Variants in CLOCK observed in about 807,000 individuals in gnomAD.
CLOCK encodes the protein circadian locomoter output cycles protein kaput.
A neutral mutation model predicts 118.4 loss-of-function variants in CLOCK; 43 were observed. The observed-to-expected ratio is 0.36, with a 90% CI of 0.28 to 0.47. The LOEUF is 0.47. Ranked by LOEUF, CLOCK falls within the 20% of genes least tolerant of loss-of-function variation. The pLI, the probability that CLOCK is intolerant of heterozygous loss-of-function variation, is 1.00. For missense variants in CLOCK, 846 were observed against 999.9 expected (o/e 0.85, Z 2.08); for synonymous variants, 326 against 339.2 (o/e 0.96, Z 0.43).
chr4:55,448,721 A>G, intron 18 of CLOCK, 58 bp downstream of exon 18: 1 of 1,434,368 alleles, frequency 7.0e-7, no homozygotes, highest in South Asian at 1.2e-5. Context: ...AAATTACATT[A>G]GCTTAAAAGC....
At position 55,434,851 on chromosome 4, in the gene CLOCK, T is replaced by C. The variant is rs1411670380; in HGVS notation, c.*564A>G. On this transcript the variant is annotated 3_prime_UTR_variant, in exon 23 of 23. Transcript: ENST00000513440. ...TGCTTTCTCTCCTTTTATCTAGACATATACATATTTTTACATCATCTGTAC... is the reference window on the plus strand; with the variant it reads ...TGCTTTCTCTCCTTTTATCTAGACACATACATATTTTTACATCATCTGTAC... 1 of 158,264 alleles carries C rather than the reference T, an allele frequency of 6.3e-6. No homozygotes were observed. The allele number at this position is 158,264 out of a possible 1,614,324, so 9.8% of individuals were successfully genotyped here. A position where few individuals can be genotyped will look rare whatever the true frequency, so the allele number is the denominator to read the frequency against.
chr4:55,442,270 A>C, intron 21 of CLOCK, 162 bp downstream of exon 21: 1 of 682,182 alleles, frequency 1.5e-6, no homozygotes, highest in East Asian at 2.7e-5. Flanking sequence ...AAGTCTTTAA[A>C]CAATGAATAC....
intron 1 of CLOCK, chr4:55,545,347 T>A (rs542506929): frequency 6.6e-6 from 1 of 152,174 alleles, no homozygotes; most frequent in Non-Finnish European, 1.5e-5. Flanking sequence ...CTAAATTACA[T>A]CCTTTTAAGA....
intron 2 of CLOCK, among the ~76,000 whole-genome samples, chr4:55,506,410 A>C (rs1360694345): frequency 1.3e-5 from 2 of 152,144 alleles, no homozygotes; most frequent in African/African-American, 4.8e-5. Flanking sequence ...AAGATTTTAA[A>C]AGTGGAATTC....
intron 3 of CLOCK, among the ~76,000 whole-genome samples, chr4:55,484,235 G>C (rs1727137327): frequency 6.6e-6 from 1 of 151,914 alleles, no homozygotes; most frequent in African/African-American, 2.4e-5. Flanking sequence ...CTGTTGCCCA[G>C]GGTGGAGTGC....
At chr4:55,473,133 A>G (rs1450902682) in intron 7 of CLOCK, among the ~76,000 whole-genome samples, 1 of 152,052 alleles carries the variant, frequency 6.6e-6, no homozygotes, top group East Asian at 1.9e-4. Flanking sequence ...GCTAAAGCGG[A>G]AGAATCACTT....
chr4:55,475,821 C>A, intron 7 of CLOCK, 142 bp downstream of exon 7: 1 of 652,528 alleles, frequency 1.5e-6, no homozygotes, highest in Non-Finnish European at 2.8e-6. Context: ...ATTCATGTGA[C>A]TCATTTTACT....
intron 7 of CLOCK, among the ~76,000 whole-genome samples, chr4:55,471,946 T>TTAG (rs1363746423): frequency 1.3e-5 from 2 of 152,038 alleles, no homozygotes; most frequent in Non-Finnish European, 2.9e-5. Context: ...TGGTGGCACA[T>TTAG]GCCTATGGTC....
At chr4:55,448,755 A>G (rs755669192) in intron 18 of CLOCK, 24 bp downstream of exon 18, 1 of 1,584,398 alleles carries the variant, frequency 6.3e-7, no homozygotes, top group South Asian at 1.1e-5. Flanking sequence ...CAAATACGCA[A>G]CTGAAACAAA....
intron 21 of CLOCK, 43 bp from the exon 22 acceptor site, chr4:55,438,580 A>G: frequency 6.2e-7 from 1 of 1,611,848 alleles, no homozygotes; most frequent in Non-Finnish European, 8.5e-7. Context: ...CCAAAGTACA[A>G]GGTATACATC....
chr4:55,497,239 T>A (rs1728140833), intron 2 of CLOCK, among the ~76,000 whole-genome samples: 1 of 152,180 alleles, frequency 6.6e-6, no homozygotes, highest in Non-Finnish European at 1.5e-5. Flanking sequence ...CTTTAGCTCA[T>A]AGCTCCCTCT....
chr4:55,531,003 A>C (rs1024414592), intron 1 of CLOCK, among the ~76,000 whole-genome samples: 2 of 152,018 alleles, frequency 1.3e-5, no homozygotes, highest in African/African-American at 4.8e-5. Flanking sequence ...AACAGTTAAT[A>C]GATATTATGA....
intron 14 of CLOCK, 139 bp downstream of exon 14, chr4:55,453,538 A>G (rs1001046883): frequency 1.6e-6 from 1 of 607,740 alleles, no homozygotes; most frequent in East Asian, 2.8e-5. Context: ...AGTAAATTTA[A>G]TAATATATTG....
At chr4:55,491,436 A>T (rs927971506) in intron 2 of CLOCK, among the ~76,000 whole-genome samples, 22 of 151,948 alleles carry the variant, frequency 1.4e-4, no homozygotes, top group Middle Eastern at 3.2e-3. Context: ...AAAATTGACA[A>T]ATCTTTAGCT....
rs555923908 is a variant in CLOCK, at chr4:55,489,214, C to T, written c.-44+160G>A. Reference sequence around the variant, plus strand: ...AATCCCCAGTATCTAAAGTAATTATCGGAACATAGCTGGTACTACGTTTGG... The same window carrying T: ...AATCCCCAGTATCTAAAGTAATTATTGGAACATAGCTGGTACTACGTTTGG... On this transcript the variant is annotated intron_variant, in intron 3 of 22. Transcript: ENST00000513440. Among the ~76,000 whole-genome samples, 3 of 152,270 alleles carry T rather than the reference C, an allele frequency of 2.0e-5. No homozygotes were observed. In the South Asian group the frequency reaches 6.2e-4, roughly 32 times the overall value.
chr4:55,500,184 A>G (rs913202589), intron 2 of CLOCK, among the ~76,000 whole-genome samples: 8 of 152,180 alleles, frequency 5.3e-5, no homozygotes, highest in Admixed American at 2.0e-4. Flanking sequence ...AAAGCTGGAT[A>G]ACAAAAAGAA....
chr4:55,524,634 T>TA (rs1384644903), intron 1 of CLOCK, among the ~76,000 whole-genome samples: 1 of 152,202 alleles, frequency 6.6e-6, no homozygotes, highest in African/African-American at 2.4e-5. Context: ...ACCTACTACT[T>TA]ACATTTGTGG....
chr4:55,471,046 TAGAG>T (rs564407177), intron 7 of CLOCK, among the ~76,000 whole-genome samples: 144 of 152,168 alleles, frequency 9.5e-4, no homozygotes, highest in Non-Finnish European at 1.7e-3. Flanking sequence ...CTCTAAAAGA[TAGAG>T]ACAATGTTCT....
intron 5 of CLOCK, 100 bp from the exon 6 acceptor site, chr4:55,479,063 T>C: frequency 1.0e-6 from 1 of 980,184 alleles, no homozygotes; most frequent in Non-Finnish European, 1.5e-6. Flanking sequence ...TGTACTTCTA[T>C]CAACATAGAT....
Sources: gnomAD v4.1 joint callset for allele counts (sites outside exome capture counted in the v4.1 genomes callset) on GRCh38, gnomAD v4.1.1 for gene constraint, MANE v1.5 for transcripts, NCBI Gene and HGNC (gene_info 2026-07-23, HGNC 2026-07-21) for gene names.